Variants in LSAMP observed in about 807,000 individuals in gnomAD.
LSAMP encodes the protein limbic system associated membrane protein.
A neutral mutation model predicts 38.6 loss-of-function variants in LSAMP; 7 were observed. The ratio of observed to expected loss-of-function variants is 0.18; its 90% confidence interval spans 0.10 to 0.34. The LOEUF (loss-of-function observed/expected upper bound fraction) is 0.34, where lower values mean the gene tolerates loss of function less well. Ranked by LOEUF, LSAMP falls within the 10% of genes least tolerant of loss-of-function variation. The probability of loss-of-function intolerance (pLI) is 1.00; values close to 1 mark genes in which losing one functional copy is unlikely to be tolerated. For missense variants in LSAMP, 313 were observed against 420.0 expected, an observed-to-expected ratio of 0.75 and a Z score of 2.23; for synonymous variants, 154 against 166.8, an observed-to-expected ratio of 0.92 and a Z score of 0.59.
intron 3 of LSAMP, among the ~76,000 whole-genome samples, chr3:115,976,280 C>A (rs1018646255): frequency 1.8e-4 from 27 of 152,054 alleles, no homozygotes; most frequent in Non-Finnish European, 3.7e-4. Flanking sequence ...AGAAAATAAA[C>A]AATCCTTTGA....
chr3:116,319,933 T>C (rs1576124641), intron 1 of LSAMP, among the ~76,000 whole-genome samples: 1 of 152,134 alleles, frequency 6.6e-6, no homozygotes, highest in Non-Finnish European at 1.5e-5. Context: ...TTGACTACAA[T>C]TTATGTTGTA....
chr3:116,352,145 G>T (rs1380346457), intron 1 of LSAMP, among the ~76,000 whole-genome samples: 4 of 152,046 alleles, frequency 2.6e-5, no homozygotes, highest in African/African-American at 7.2e-5. Flanking sequence ...CTTATAAAAT[G>T]ATTCCATGAC....
intron 1 of LSAMP, among the ~76,000 whole-genome samples, chr3:116,206,679 A>T (rs1289290253): frequency 2.0e-5 from 3 of 151,702 alleles, no homozygotes; most frequent in Admixed American, 6.6e-5. Context: ...GTCATTCAGG[A>T]GCAGGTTGTT....
chr3:116,011,152 C>T (rs566581530), intron 3 of LSAMP, among the ~76,000 whole-genome samples: 17 of 152,182 alleles, frequency 1.1e-4, no homozygotes, highest in East Asian at 5.8e-4. Flanking sequence ...CACAGGCGCA[C>T]GCCACCACAC....
chr3:116,324,084 G>T (rs1018970432), intron 1 of LSAMP, among the ~76,000 whole-genome samples: 1 of 152,056 alleles, frequency 6.6e-6, no homozygotes, highest in African/African-American at 2.4e-5. Flanking sequence ...TTGACATTTG[G>T]GTAAGTGCTT....
chr3:116,113,418 A>ATTTTTT (rs1409685565), intron 1 of LSAMP, among the ~76,000 whole-genome samples: 4 of 55,492 alleles, frequency 7.2e-5, no homozygotes, highest in East Asian at 3.4e-4. Flanking sequence ...ATATATATAT[A>ATTTTTT]TATTTTTTTT....
At chr3:116,175,664 C>T (rs574363973) in intron 1 of LSAMP, among the ~76,000 whole-genome samples, 1 of 151,946 alleles carries the variant, frequency 6.6e-6, no homozygotes, top group Non-Finnish European at 1.5e-5. Context: ...CATACCCATA[C>T]CCACATTAAA....
intron 3 of LSAMP, among the ~76,000 whole-genome samples, chr3:115,933,511 T>C (rs1937614783): frequency 6.6e-6 from 1 of 152,112 alleles, no homozygotes; most frequent in Non-Finnish European, 1.5e-5. Flanking sequence ...GTCACAAAAT[T>C]AGAAGTTCTA....
At chr3:116,188,923 C>T (rs766034042) in intron 1 of LSAMP, among the ~76,000 whole-genome samples, 8 of 152,188 alleles carry the variant, frequency 5.3e-5, no homozygotes, top group Non-Finnish European at 1.2e-4. Context: ...AAAGTCTTTG[C>T]AGTCTTCATC....
chr3:115,927,507 C>G (rs144369746), intron 3 of LSAMP, among the ~76,000 whole-genome samples: 89 of 152,208 alleles, frequency 5.8e-4, no homozygotes, highest in African/African-American at 2.0e-3. Context: ...CTTCTTCTTT[C>G]CAAAAGAAAG....
intron 1 of LSAMP, among the ~76,000 whole-genome samples, chr3:116,109,150 A>G (rs1708538148): frequency 6.6e-6 from 1 of 152,144 alleles, no homozygotes. Flanking sequence ...CCTAAACACT[A>G]TCTGATTTGG....
At chr3:116,137,590 A>G (rs1233033047) in intron 1 of LSAMP, among the ~76,000 whole-genome samples, 1 of 152,140 alleles carries the variant, frequency 6.6e-6, no homozygotes, top group African/African-American at 2.4e-5. Context: ...ATAATCTTTA[A>G]TGCTGAAAAA....
intron 3 of LSAMP, among the ~76,000 whole-genome samples, chr3:115,852,834 T>C (rs1227923923): frequency 6.6e-6 from 1 of 151,334 alleles, no homozygotes; most frequent in African/African-American, 2.4e-5. Flanking sequence ...AGAAAGAAAA[T>C]GGGAAAATGG....
At chr3:116,430,133 T>C (rs2049261918) in intron 1 of LSAMP, among the ~76,000 whole-genome samples, 1 of 152,188 alleles carries the variant, frequency 6.6e-6, no homozygotes, top group Non-Finnish European at 1.5e-5. Context: ...ACCAGATTTG[T>C]CTTGATACTG....
chr3:116,400,729 C>T (rs560532658), intron 1 of LSAMP, among the ~76,000 whole-genome samples: 5 of 152,194 alleles, frequency 3.3e-5, no homozygotes, highest in East Asian at 1.9e-4. Context: ...CCACCCGCCT[C>T]GGCCTCCCAA....
intron 1 of LSAMP, among the ~76,000 whole-genome samples, chr3:116,202,078 C>A (rs2045994404): frequency 6.6e-6 from 1 of 151,916 alleles, no homozygotes; most frequent in East Asian, 1.9e-4. Context: ...TACCCTTATC[C>A]CACCAGTCCA....
chr3:116,404,113 G>C (rs2048873808), intron 1 of LSAMP, among the ~76,000 whole-genome samples: 2 of 152,098 alleles, frequency 1.3e-5, no homozygotes, highest in South Asian at 4.1e-4. Context: ...AAAGAAATCA[G>C]AAAATAAAAA....
chr3:116,200,574 T>C (rs916340538), intron 1 of LSAMP, among the ~76,000 whole-genome samples: 2 of 152,182 alleles, frequency 1.3e-5, no homozygotes, highest in East Asian at 1.9e-4. Flanking sequence ...AGGAGACACA[T>C]AGCCCCCAGG....
intron 3 of LSAMP, among the ~76,000 whole-genome samples, chr3:115,970,738 G>A (rs569303413): frequency 2.6e-4 from 40 of 152,284 alleles, no homozygotes; most frequent in Non-Finnish European, 4.6e-4. Context: ...GGGTGGAAAT[G>A]TGACACTTCG....
Sources: gnomAD v4.1 joint callset for allele counts (sites outside exome capture counted in the v4.1 genomes callset) on GRCh38, gnomAD v4.1.1 for gene constraint, MANE v1.5 for transcripts, NCBI Gene and HGNC (gene_info 2026-07-23, HGNC 2026-07-21) for gene names.